Variants in LPIN1 observed in about 807,000 individuals in gnomAD.
LPIN1 encodes the protein phosphatidate phosphatase LPIN1.
Under a neutral mutation model 107.5 loss-of-function variants are expected in LPIN1, and 71 were observed. The ratio of observed to expected loss-of-function variants is 0.66; its 90% CI spans 0.55 to 0.80. The LOEUF is 0.80. LPIN1 is among the 30% of genes least tolerant of loss of function. LPIN1 has a pLI of 0.00. For missense variants in LPIN1, 1,043 were observed against 1,160.6 expected (o/e 0.90, Z 1.47); for synonymous variants, 445 against 452.6 (o/e 0.98, Z 0.21).
At chr2:11,790,970 CCTG>C (rs746104744) in intron 12 of LPIN1, among the ~76,000 whole-genome samples, 12 of 151,872 alleles carry the variant, frequency 7.9e-5, no homozygotes, top group Non-Finnish European at 1.6e-4. Flanking sequence ...CTTTCTTTGG[CCTG>C]CTTTCTTTTT....
upstream of LPIN1, chr2:11,741,909 T>C (rs1666403820): frequency 6.5e-6 from 1 of 152,930 alleles, no homozygotes. Context: ...TCGTCAGTGA[T>C]AAGTCCATGC....
rs1248783086 is a variant in LPIN1, at chr2:11,819,558, A to G, written c.2477A>G (p.Asn826Ser). The G allele has an allele frequency of 3.1e-6, 5 of 1,614,106 alleles. No homozygotes were observed. Among genetic ancestry groups the G allele is most frequent in the East Asian group, 2.2e-5 (1 of 44,878 alleles). ...LTDIKNLFFP[N>S]TEPFYAAFGN... Reference sequence around the variant, plus strand: ...GACATCAAAAACCTGTTTTTCCCCAACACAGAACCCTTTTATGCTGCTTTT... The same window carrying G: ...GACATCAAAAACCTGTTTTTCCCCAGCACAGAACCCTTTTATGCTGCTTTT... Residue 826 changes from asparagine to serine, a missense_variant, in exon 19 of 21, where the codon AAC becomes AGC. Physicochemically the swap from Asn to Ser is conservative, Grantham distance 46 (BLOSUM62 1). Coordinates refer to ENST00000674199, the MANE Select transcript of LPIN1 (RefSeq NM_001349206.2).
rs187533064 is a variant in LPIN1 at position 11,689,859 on chromosome 2, C to T, written c.81+12131C>T. 5.5e-3 allele frequency among the ~76,000 whole-genome samples: 839 copies of T among 152,170 alleles called. 11 individuals carry two copies. The highest frequency in any genetic ancestry group is 0.019 in the African/African-American group (802 of 41,496). ...GGTGGAGGTTGCAGTGAGCCAAGAT[C>T]GTGCCATTGCACTCCAGTCTGGGTG... On this transcript the variant is annotated intron_variant, in intron 1 of 21. Transcript: ENST00000449576.
chr2:11,751,814 T>C (rs1292677237), intron 1 of LPIN1, among the ~76,000 whole-genome samples: 1 of 152,208 alleles, frequency 6.6e-6, no homozygotes, highest in African/African-American at 2.4e-5. Context: ...ATTGCGCCAC[T>C]GCCCTCCAGC....
chr2:11,726,060 C>T (rs535457704), intron 1 of LPIN1, among the ~76,000 whole-genome samples: 1 of 152,248 alleles, frequency 6.6e-6, no homozygotes, highest in South Asian at 2.1e-4. Flanking sequence ...GATGGAAATG[C>T]ACTGTCCCTT....
intron 1 of LPIN1, among the ~76,000 whole-genome samples, chr2:11,751,605 C>A (rs1667798739): frequency 6.6e-6 from 1 of 152,222 alleles, no homozygotes; most frequent in Non-Finnish European, 1.5e-5. Flanking sequence ...GTAATCCCAG[C>A]ACTTTCGGAG....
chr2:11,693,788 G>GTGTGTA (rs1375045563), intron 1 of LPIN1, among the ~76,000 whole-genome samples: 3 of 40,982 alleles, frequency 7.3e-5, no homozygotes, highest in African/African-American at 1.9e-4. Context: ...GTGTGAGTGT[G>GTGTGTA]TATATATATA....
At chr2:11,746,715 C>G (rs1666989569) in intron 1 of LPIN1, 44 bp downstream of exon 1, 1 of 952,008 alleles carries the variant, frequency 1.1e-6, no homozygotes, top group Admixed American at 6.2e-5. Flanking sequence ...GAGCAGGGGC[C>G]GCAGCCTCGG....
At chr2:11,753,345 C>T (rs1171308583) in intron 1 of LPIN1, among the ~76,000 whole-genome samples, 1 of 152,200 alleles carries the variant, frequency 6.6e-6, no homozygotes, top group African/African-American at 2.4e-5. Flanking sequence ...TCCAGCTTTT[C>T]TAGTGAGTTT....
In LPIN1 at chr2:11,795,402, T is replaced by C. The variant is rs868197083; in HGVS notation, c.1807-6T>C. 2 of 1,613,140 alleles carry C rather than the reference T, an allele frequency of 1.2e-6. No homozygotes were observed. Among genetic ancestry groups the C allele is most frequent in the Middle Eastern group, 1.7e-4 (1 of 6,060 alleles). ...TTCTGTGACTCTTTCTTTTCTTCTT[T>C]TCTAGGAAAGTAAGCCAGAGCAGTG... On this transcript the variant is annotated splice_region_variant and splice_polypyrimidine_tract_variant and intron_variant, in intron 13 of 20. Coordinates refer to ENST00000674199, the MANE Select transcript of LPIN1 (RefSeq NM_001349206.2).
At chr2:11,761,711 C>T (rs1177263216) in intron 1 of LPIN1, among the ~76,000 whole-genome samples, 1 of 152,096 alleles carries the variant, frequency 6.6e-6, no homozygotes, top group Non-Finnish European at 1.5e-5. Flanking sequence ...GTGCTGATCT[C>T]ACTTTTGCTT....
At chr2:11,690,693 T>C (rs1662226234) in intron 1 of LPIN1, among the ~76,000 whole-genome samples, 1 of 152,238 alleles carries the variant, frequency 6.6e-6, no homozygotes, top group Admixed American at 6.5e-5. Context: ...TACTATATTT[T>C]ACTTCATTAA....
At chr2:11,692,536 A>G (rs141894342) in intron 1 of LPIN1, among the ~76,000 whole-genome samples, 1 of 152,240 alleles carries the variant, frequency 6.6e-6, no homozygotes, top group Non-Finnish European at 1.5e-5. Flanking sequence ...TGAATTCTTC[A>G]GTTGAATCTG....
Position 11,824,885 on chromosome 2 carries a change from C to A in LPIN1, c.*94C>A. The A allele has an allele frequency of 7.1e-7, 1 of 1,401,514 alleles. No individual in the cohort carries two copies. Among genetic ancestry groups the A allele is most frequent in the Non-Finnish European group, 1.0e-6 (1 of 997,416 alleles). The allele number at this position is 1,401,514 out of a possible 1,614,324, so 86.8% of individuals were successfully genotyped here. A position where few individuals can be genotyped will look rare whatever the true frequency, so the allele number is the denominator to read the frequency against. ...CGGAGTGCACAGCTCCACCTGGGAG[C>A]CTGGCGCGTCATCATTGGCCTGACA... is the stretch of plus-strand genomic sequence containing the variant. On this transcript the variant is annotated 3_prime_UTR_variant, in exon 21 of 21. Transcript: ENST00000674199.
chr2:11,757,837 A>C (rs886842660), intron 1 of LPIN1, among the ~76,000 whole-genome samples: 1 of 152,238 alleles, frequency 6.6e-6, no homozygotes, highest in African/African-American at 2.4e-5. Context: ...AAATACATAT[A>C]ACATAAAATT....
At chr2:11,820,283 G>C (rs142728184) in intron 19 of LPIN1, 128 bp from the exon 20 acceptor site, 47 of 688,006 alleles carry the variant, frequency 6.8e-5, no homozygotes, top group Non-Finnish European at 1.1e-4. Flanking sequence ...TTCTTTCACT[G>C]CACCACTTTG....
At chr2:11,719,389 G>A (rs1045413876), upstream of LPIN1, among the ~76,000 whole-genome samples, 6 of 152,190 alleles carry the variant, frequency 3.9e-5, no homozygotes, top group Non-Finnish European at 8.8e-5. Context: ...TGGGGCTCCT[G>A]AGGCCAGTGC....
At chr2:11,820,097 T>G (rs1681258077) in intron 19 of LPIN1, among the ~76,000 whole-genome samples, 1 of 152,240 alleles carries the variant, frequency 6.6e-6, no homozygotes, top group Admixed American at 6.5e-5. Context: ...AGTCCTACTT[T>G]TGAAAGTTAC....
chr2:11,712,493 G>A (rs978940435), intron 1 of LPIN1, among the ~76,000 whole-genome samples: 18 of 152,270 alleles, frequency 1.2e-4, no homozygotes, highest in South Asian at 1.0e-3. Flanking sequence ...AGTGACTTAC[G>A]GACAAGATTT....
Sources: allele counts gnomAD v4.1 joint callset (sites outside exome capture counted in the v4.1 genomes callset), GRCh38; gene constraint gnomAD v4.1.1; transcripts MANE v1.5; gene names NCBI Gene and HGNC (gene_info 2026-07-23, HGNC 2026-07-21).